The following B3GALT5 variants were observed in gnomAD, a reference collection of about 807,000 sequenced individuals.
B3GALT5 encodes beta-1,3-galactosyltransferase 5, also known as UDP-Gal:betaGlcNAc beta 1,3-galactosyltransferase, polypeptide 5.
For synonymous variants in B3GALT5, 156 were observed against 158.6 expected (o/e 0.98, Z 0.12); for missense variants, 328 against 396.6 (o/e 0.83, Z 1.47).
intron 1 of B3GALT5, among the ~76,000 whole-genome samples, chr21:39,643,315 G>T (rs1025105521): frequency 2.0e-5 from 3 of 151,894 alleles, no homozygotes; most frequent in Admixed American, 6.6e-5. Context: ...CCACTTGGGA[G>T]GCTGAGGCAG....
At chr21:39,614,371 GT>G (rs1274314967) in intron 1 of B3GALT5, among the ~76,000 whole-genome samples, 1 of 152,154 alleles carries the variant, frequency 6.6e-6, no homozygotes, top group Non-Finnish European at 1.5e-5. Flanking sequence ...AATCTGACGT[GT>G]TCAGGAAGGA....
chr21:39,648,129 A>G (rs1404466727), intron 2 of B3GALT5, among the ~76,000 whole-genome samples: 1 of 152,198 alleles, frequency 6.6e-6, no homozygotes, highest in African/African-American at 2.4e-5. Context: ...GCCTTCCTGA[A>G]TCTATAGACA....
At chr21:39,647,652 G>A (rs1197915339) in intron 2 of B3GALT5, among the ~76,000 whole-genome samples, 1 of 152,104 alleles carries the variant, frequency 6.6e-6, no homozygotes, top group African/African-American at 2.4e-5. Flanking sequence ...CCGGCCCCTT[G>A]TTTAAAGTCT....
chr21:39,655,042 G>A (rs2079429105), intron 2 of B3GALT5, among the ~76,000 whole-genome samples: 1 of 152,144 alleles, frequency 6.6e-6, no homozygotes. Context: ...TTATCATGAG[G>A]AAATGCTCAT....
intron 1 of B3GALT5, among the ~76,000 whole-genome samples, chr21:39,630,694 T>C (rs1463282307): frequency 6.6e-6 from 1 of 152,156 alleles, no homozygotes; most frequent in East Asian, 1.9e-4. Flanking sequence ...GTGAAGGTAG[T>C]TTCCATGCAT....
At chr21:39,625,709 C>T (rs113348578) in intron 1 of B3GALT5, among the ~76,000 whole-genome samples, 157 of 152,338 alleles carry the variant, frequency 1.0e-3, no homozygotes, top group African/African-American at 3.1e-3. Context: ...CCCGCAGGGG[C>T]GCACACAGGG....
intron 1 of B3GALT5, among the ~76,000 whole-genome samples, chr21:39,634,321 C>G (rs1413899785): frequency 2.0e-5 from 3 of 152,142 alleles, no homozygotes; most frequent in Non-Finnish European, 4.4e-5. Flanking sequence ...GAAATGGCCT[C>G]TCACAGCCCA....
intron 2 of B3GALT5, 115 bp from the exon 3 acceptor site, chr21:39,659,638 G>A (rs1178431067): frequency 1.2e-5 from 6 of 509,646 alleles, no homozygotes; most frequent in African/African-American, 4.2e-5. Context: ...GCTCAAATGC[G>A]TGCTCAGAGT....
In B3GALT5 at chr21:39,664,603, C is replaced by T. The variant is rs915870078; in HGVS notation, c.*3111C>T. 2.6e-5 allele frequency: 4 copies of T among 152,384 alleles called. No homozygotes were observed. Among genetic ancestry groups the T allele is most frequent in the Admixed American group, 6.5e-5 (1 of 15,292 alleles). 9.4% of individuals were successfully genotyped at this position (152,384 alleles called of 1,614,324 possible). ...TCCTGTTGCGTTTCTGGTGGAACCC[C>T]GCACGAGAGTTTTACTTGTCTGTTG... On this transcript the variant is annotated 3_prime_UTR_variant, in exon 4 of 4. Transcript: ENST00000684187.
At chr21:39,634,190 T>TCATG (rs2146193349) in intron 1 of B3GALT5, among the ~76,000 whole-genome samples, 1 of 152,242 alleles carries the variant, frequency 6.6e-6, no homozygotes, top group African/African-American at 2.4e-5. Flanking sequence ...CACTAATGGG[T>TCATG]CATGATGCAG....
intron 1 of B3GALT5, among the ~76,000 whole-genome samples, chr21:39,643,292 C>A (rs975255892): frequency 1.4e-4 from 21 of 151,744 alleles, no homozygotes; most frequent in Non-Finnish European, 2.6e-4. Context: ...GTGGCTCACG[C>A]CTGTAATCCC....
chr21:39,631,782 T>C (rs1312987727), intron 1 of B3GALT5, among the ~76,000 whole-genome samples: 2 of 152,178 alleles, frequency 1.3e-5, no homozygotes, highest in Non-Finnish European at 2.9e-5. Context: ...ACGGCAGAGC[T>C]ATATGAAGGT....
At chr21:39,641,663 G>T (rs1304956860) in intron 1 of B3GALT5, among the ~76,000 whole-genome samples, 1 of 152,036 alleles carries the variant, frequency 6.6e-6, no homozygotes, top group Non-Finnish European at 1.5e-5. Context: ...TCTACCCACT[G>T]GTTCTTGTTC....
At chr21:39,652,462 CACAGGTGTAGA>C (rs2079405140) in intron 2 of B3GALT5, among the ~76,000 whole-genome samples, 1 of 152,176 alleles carries the variant, frequency 6.6e-6, no homozygotes, top group Non-Finnish European at 1.5e-5. Context: ...GGCACAAGGG[CACAGGTGTAGA>C]ACACGTAAGT....
chr21:39,646,102 C>T (rs1047010410), intron 1 of B3GALT5, among the ~76,000 whole-genome samples: 1 of 151,930 alleles, frequency 6.6e-6, no homozygotes, highest in African/African-American at 2.4e-5. Context: ...ACAGAGAATG[C>T]GTGGTGCGAC....
intron 1 of B3GALT5, among the ~76,000 whole-genome samples, chr21:39,614,477 A>C (rs937673901): frequency 6.6e-6 from 1 of 152,196 alleles, no homozygotes; most frequent in Non-Finnish European, 1.5e-5. Context: ...GACAAGGACA[A>C]GGTTGTCTTT....
At chr21:39,637,377 A>G (rs373990208) in intron 1 of B3GALT5, among the ~76,000 whole-genome samples, 1 of 152,248 alleles carries the variant, frequency 6.6e-6, no homozygotes, top group East Asian at 1.9e-4. Context: ...CAGGCATTGC[A>G]TGCCAAAGCC....
At chr21:39,651,157 C>T (rs2079392047) in intron 2 of B3GALT5, among the ~76,000 whole-genome samples, 1 of 152,236 alleles carries the variant, frequency 6.6e-6, no homozygotes, top group Non-Finnish European at 1.5e-5. Context: ...CAAAACATGA[C>T]ATCCTTATTT....
At chr21:39,646,643 T>G (rs1459963379) in intron 2 of B3GALT5, 21 bp downstream of exon 2, 1 of 152,178 alleles carries the variant, frequency 6.6e-6, no homozygotes, top group Non-Finnish European at 1.5e-5. Flanking sequence ...TTCCAAGGTT[T>G]GTACCAAGAA....
Sources: allele counts gnomAD v4.1 joint callset (sites outside exome capture counted in the v4.1 genomes callset), GRCh38; gene constraint gnomAD v4.1.1; transcripts MANE v1.5; gene names NCBI Gene and HGNC (gene_info 2026-07-23, HGNC 2026-07-21).